The following WHRN variants were observed in gnomAD, a reference collection of about 807,000 sequenced individuals.
WHRN encodes whirlin.
A neutral mutation model predicts 68.3 loss-of-function variants in WHRN; 41 were observed. The observed-to-expected ratio is 0.60, with a 90% CI of 0.47 to 0.78. WHRN has a LOEUF of 0.78. Ranked by LOEUF, WHRN falls within the 30% of genes least tolerant of loss-of-function variation. WHRN has a pLI of 0.00. For synonymous variants in WHRN, 560 were observed against 561.3 expected (o/e 1.00, Z 0.03); for missense variants, 1,243 against 1,244.7 (o/e 1.00, Z 0.02).
At chr9:114,494,708 G>A (rs1442016582) in intron 1 of WHRN, among the ~76,000 whole-genome samples, 2 of 152,096 alleles carry the variant, frequency 1.3e-5, no homozygotes, top group African/African-American at 4.8e-5. Context: ...ACAAACTCTT[G>A]GCAATTTTGG....
intron 3 of WHRN, among the ~76,000 whole-genome samples, chr9:114,465,408 G>A (rs560631210): frequency 7.2e-5 from 11 of 152,244 alleles, no homozygotes; most frequent in African/African-American, 2.6e-4. Flanking sequence ...ATGGTCCTTT[G>A]GCCAGCCACT....
rs180777278 is a variant in WHRN, at chr9:114,455,894, T to C, written c.963+10373A>G. ...CCAGACATCACAGCTGAGCCTAGCC[T>C]GCCTTAAATCAGAACACTTACATTA... is the stretch of plus-strand genomic sequence containing the variant. On this transcript the variant is annotated intron_variant, in intron 3 of 11. Transcript: ENST00000362057. Among the ~76,000 whole-genome samples, 266 of 152,268 alleles carry C rather than the reference T, an allele frequency of 1.7e-3. 2 individuals carry two copies. Among genetic ancestry groups the C allele is most frequent in the African/African-American group, 6.1e-3 (252 of 41,546 alleles).
At chr9:114,439,918 A>G (rs1838221128) in intron 3 of WHRN, among the ~76,000 whole-genome samples, 2 of 152,154 alleles carry the variant, frequency 1.3e-5, no homozygotes, top group African/African-American at 2.4e-5. Context: ...AATCTATTAT[A>G]TTTATTTATT....
intron 2 of WHRN, among the ~76,000 whole-genome samples, chr9:114,478,022 G>A (rs1564203844): frequency 6.6e-6 from 1 of 152,172 alleles, no homozygotes; most frequent in African/African-American, 2.4e-5. Flanking sequence ...GATGGAAGAT[G>A]GAGGGAATCT....
intron 3 of WHRN, among the ~76,000 whole-genome samples, chr9:114,454,813 A>C (rs981368488): frequency 6.6e-6 from 1 of 152,196 alleles, no homozygotes; most frequent in East Asian, 1.9e-4. Context: ...TTCCAGACTT[A>C]CTGTAAAGCT....
chr9:114,405,748 C>T (rs909625149), intron 9 of WHRN, among the ~76,000 whole-genome samples: 2 of 152,242 alleles, frequency 1.3e-5, no homozygotes, highest in Non-Finnish European at 2.9e-5. Context: ...ACTGTAGCCG[C>T]AAGATGGCAG....
Position 114,424,480 on chromosome 9 carries a change from C to G in WHRN, c.1270G>C (p.Val424Leu). 1.2e-6 allele frequency: 2 copies of G among 1,614,040 alleles called. No individual in the cohort carries two copies. The highest frequency in any genetic ancestry group is 1.7e-6 in the Non-Finnish European group (2 of 1,179,984). Residue 424 changes from valine (V) to leucine (L), a missense_variant, in exon 6 of 12, where the codon GTG becomes CTG. Val to Leu is a conservative substitution (Grantham distance 32). Coordinates refer to ENST00000362057, the MANE Select transcript of WHRN (RefSeq NM_015404.4). The part of the protein sequence containing the change: ...TLSSLGNQTR[V>L]LLEEQARHLL... The stretch of plus-strand genomic sequence containing the variant: ...TGCCGAGCCTGCTCCTCCAGCAGCA[C>G]TCGTGTCTGGTTCCCCAGGCTGCTC...
intron 3 of WHRN, among the ~76,000 whole-genome samples, chr9:114,441,027 C>T (rs1335935797): frequency 2.0e-5 from 3 of 152,134 alleles, no homozygotes; most frequent in Non-Finnish European, 4.4e-5. Context: ...CAGCTACACT[C>T]GGGCACCATT....
At chr9:114,440,946 A>C (rs1838319869) in intron 3 of WHRN, among the ~76,000 whole-genome samples, 1 of 152,226 alleles carries the variant, frequency 6.6e-6, no homozygotes, top group African/African-American at 2.4e-5. Context: ...AGTTCTCCCA[A>C]GAAGCAGAGA....
At chr9:114,444,379 T>G (rs530645263) in intron 3 of WHRN, among the ~76,000 whole-genome samples, 1 of 152,310 alleles carries the variant, frequency 6.6e-6, no homozygotes, top group Admixed American at 6.5e-5. Flanking sequence ...AAATACTGCA[T>G]GGTATATCCA....
intron 7 of WHRN, among the ~76,000 whole-genome samples, chr9:114,421,486 G>A (rs528491991): frequency 1.1e-4 from 16 of 152,348 alleles, no homozygotes; most frequent in African/African-American, 3.6e-4. Flanking sequence ...GACCAGAAAG[G>A]CTGGGGCTCA....
rs1183358800 is a variant in WHRN, at chr9:114,504,259, T to TC, written c.542dup (p.Leu182ThrfsTer83). ...GCAGAATCTGGTCCCCGACCCGCAG[T>TC]CCTTCCTTCTCAGCTAGAGAGCCTG... is the stretch of plus-strand genomic sequence containing the variant. On this transcript the variant is annotated frameshift_variant, in exon 1 of 12. Coordinates refer to ENST00000362057, the MANE Select transcript of WHRN (RefSeq NM_015404.4). LOFTEE classifies it high-confidence loss of function. 1.2e-6 allele frequency: 2 copies of TC among 1,614,130 alleles called. No individual in the cohort carries two copies.
intron 3 of WHRN, among the ~76,000 whole-genome samples, chr9:114,461,080 G>C (rs1043525719): frequency 6.6e-6 from 1 of 152,190 alleles, no homozygotes; most frequent in Non-Finnish European, 1.5e-5. Flanking sequence ...CTTTACTGAA[G>C]GCGGGCATTT....
chr9:114,481,661 G>A (rs532137504), intron 1 of WHRN, among the ~76,000 whole-genome samples: 4 of 152,214 alleles, frequency 2.6e-5, no homozygotes, highest in Non-Finnish European at 5.9e-5. Flanking sequence ...GTGCTGTTCC[G>A]CCCGGCCTGC....
chr9:114,439,294 T>C (rs978811046), intron 3 of WHRN, among the ~76,000 whole-genome samples: 1 of 152,212 alleles, frequency 6.6e-6, no homozygotes, highest in Non-Finnish European at 1.5e-5. Flanking sequence ...CTTGTTCATA[T>C]GAATAACATA....
intron 2 of WHRN, among the ~76,000 whole-genome samples, chr9:114,468,337 C>A (rs1840902413): frequency 6.6e-6 from 1 of 152,164 alleles, no homozygotes; most frequent in Admixed American, 6.5e-5. Flanking sequence ...CACACAGTCG[C>A]AGCCAACTCA....
At chr9:114,470,479 T>C (rs1841117193) in intron 2 of WHRN, among the ~76,000 whole-genome samples, 1 of 152,090 alleles carries the variant, frequency 6.6e-6, no homozygotes, top group African/African-American at 2.4e-5. Flanking sequence ...GAGGCTGGGC[T>C]ATGAGCAGGA....
intron 7 of WHRN, among the ~76,000 whole-genome samples, chr9:114,422,076 C>A (rs1836337616): frequency 6.6e-6 from 1 of 152,174 alleles, no homozygotes; most frequent in Non-Finnish European, 1.5e-5. Flanking sequence ...GCAAGCTCAT[C>A]CTCACTCATT....
chr9:114,437,667 C>T (rs1292575812), intron 3 of WHRN, among the ~76,000 whole-genome samples: 4 of 152,174 alleles, frequency 2.6e-5, no homozygotes, highest in East Asian at 1.9e-4. Flanking sequence ...TGTGACAACA[C>T]GGTAAGAAGG....
Sources: allele counts gnomAD v4.1 joint callset (sites outside exome capture counted in the v4.1 genomes callset), GRCh38; gene constraint gnomAD v4.1.1; transcripts MANE v1.5; gene names NCBI Gene and HGNC (gene_info 2026-07-23, HGNC 2026-07-21).